ZFAND3: variants seen among roughly 807,000 people sequenced by gnomAD.
ZFAND3 encodes zinc finger AN1-type containing 3.
Under a neutral mutation model 29.6 loss-of-function variants are expected in ZFAND3, and 10 were observed. The observed-to-expected ratio is 0.34, with a 90% CI of 0.21 to 0.57. ZFAND3 has a LOEUF of 0.57. ZFAND3 is among the 20% of genes least tolerant of loss of function. The pLI is 0.86. For synonymous variants in ZFAND3, 128 were observed against 112.6 expected, an observed-to-expected ratio of 1.14 and a Z score of -0.87; for missense variants, 230 against 304.5, an observed-to-expected ratio of 0.76 and a Z score of 1.82.
chr6:38,074,029 G>A (rs1764506311), intron 3 of ZFAND3, among the ~76,000 whole-genome samples: 1 of 152,140 alleles, frequency 6.6e-6, no homozygotes, highest in Non-Finnish European at 1.5e-5. Flanking sequence ...CTAGAAATAA[G>A]TCAGTTGGCA....
At chr6:38,081,362 T>C (rs1009054035) in intron 3 of ZFAND3, among the ~76,000 whole-genome samples, 6 of 152,104 alleles carry the variant, frequency 3.9e-5, no homozygotes, top group African/African-American at 1.2e-4. Flanking sequence ...AAGAGGGAGC[T>C]CCTTAGGTGG....
chr6:38,085,473 A>G (rs1257850480), intron 4 of ZFAND3, among the ~76,000 whole-genome samples: 1 of 152,224 alleles, frequency 6.6e-6, no homozygotes, highest in Admixed American at 6.5e-5. Context: ...TCTCTGACAA[A>G]GGGCACACAA....
intron 1 of ZFAND3, among the ~76,000 whole-genome samples, chr6:37,879,323 T>C (rs1764849300): frequency 6.6e-6 from 1 of 151,752 alleles, no homozygotes; most frequent in South Asian, 2.1e-4. Context: ...CAGAAGTTTT[T>C]TTTGTTTTTT....
chr6:37,935,587 T>C (rs954599790), intron 2 of ZFAND3, among the ~76,000 whole-genome samples: 2 of 152,202 alleles, frequency 1.3e-5, no homozygotes, highest in African/African-American at 4.8e-5. Context: ...ATAGAAAATA[T>C]CAGTGTATTG....
chr6:37,906,228 C>G (rs1439045591), intron 1 of ZFAND3, among the ~76,000 whole-genome samples: 3 of 152,128 alleles, frequency 2.0e-5, no homozygotes, highest in African/African-American at 7.2e-5. Flanking sequence ...CCGCTTGCAG[C>G]CACTAATCTA....
intron 2 of ZFAND3, among the ~76,000 whole-genome samples, chr6:37,969,588 T>C (rs140249208): frequency 4.6e-5 from 7 of 152,306 alleles, no homozygotes; most frequent in African/African-American, 1.4e-4. Context: ...TTCTACTGAA[T>C]GTGTATTGCT....
chr6:38,016,909 G>A (rs957066687), intron 2 of ZFAND3, among the ~76,000 whole-genome samples: 9 of 152,084 alleles, frequency 5.9e-5, no homozygotes, highest in African/African-American at 1.7e-4. Flanking sequence ...AATCCATAGC[G>A]AGGAAAACTC....
chr6:37,850,043 A>G (rs1270049262), intron 1 of ZFAND3, among the ~76,000 whole-genome samples: 1 of 152,202 alleles, frequency 6.6e-6, no homozygotes, highest in Non-Finnish European at 1.5e-5. Flanking sequence ...CAAGTTGAGC[A>G]GTGGACCATT....
chr6:38,109,945 G>A (rs1481254877), intron 4 of ZFAND3, among the ~76,000 whole-genome samples: 1 of 152,106 alleles, frequency 6.6e-6, no homozygotes, highest in East Asian at 1.9e-4. Context: ...TCAAAGCTCA[G>A]GTGCACTCCC....
At chr6:38,008,145 C>T (rs1763082815) in intron 2 of ZFAND3, among the ~76,000 whole-genome samples, 1 of 152,074 alleles carries the variant, frequency 6.6e-6, no homozygotes, top group Non-Finnish European at 1.5e-5. Context: ...TAGCCTTTGC[C>T]TTATCTAATT....
rs1300303787 is a variant in ZFAND3 at position 38,041,842 on chromosome 6, T to A, written c.113-19751T>A. 2.6e-5 allele frequency among the ~76,000 whole-genome samples: 3 copies of A among 114,066 alleles called. 1 individual carries two copies. Among genetic ancestry groups the A allele is most frequent in the African/African-American group, 9.7e-5 (3 of 30,986 alleles). The allele number at this position is 114,066 out of a possible 152,430, so 74.8% of individuals were successfully genotyped here. On this transcript the variant is annotated intron_variant, in intron 2 of 5. Coordinates refer to ENST00000287218, the MANE Select transcript of ZFAND3 (RefSeq NM_021943.3). ...CTTCTCCTCCTTTTTTTTTTTTTTT[T>A]ATATGAGACAGAGTCTCGCTCTGGG...
chr6:38,129,406 A>G lies in ZFAND3; in HGVS notation c.529+12667A>G, dbSNP rs1411011356. Among the ~76,000 whole-genome samples, 6 of 152,308 alleles carry G rather than the reference A, an allele frequency of 3.9e-5. No homozygotes were observed. The East Asian group carries it at 1.2e-3, about 29-fold the overall frequency. On this transcript the variant is annotated intron_variant, in intron 5 of 5. Transcript: ENST00000287218. Reference sequence around the variant, plus strand: ...GGTCATGAAATCCTTGCCTAAGCCAATGTCTAGAAGGGTTTTTCCAATGTT... The same window carrying G: ...GGTCATGAAATCCTTGCCTAAGCCAGTGTCTAGAAGGGTTTTTCCAATGTT...
chr6:37,893,334 TATC>T (rs1324683053), intron 1 of ZFAND3, among the ~76,000 whole-genome samples: 5 of 152,214 alleles, frequency 3.3e-5, no homozygotes, highest in Non-Finnish European at 7.3e-5. Context: ...AAACAAATTA[TATC>T]ATCATCTCAA....
intron 2 of ZFAND3, among the ~76,000 whole-genome samples, chr6:38,011,123 G>A (rs1763144334): frequency 6.6e-6 from 1 of 151,882 alleles, no homozygotes; most frequent in South Asian, 2.1e-4. Flanking sequence ...AATACGTTTG[G>A]GACTCATTCA....
chr6:38,004,761 A>G (rs73730849), intron 2 of ZFAND3, among the ~76,000 whole-genome samples: 4,517 of 152,278 alleles, frequency 0.03, 177 homozygotes, highest in African/African-American at 0.086. Flanking sequence ...ATCGAGAGAT[A>G]ATTCTCAACC....
chr6:37,823,561 T>C (rs977101517), intron 1 of ZFAND3, among the ~76,000 whole-genome samples: 9 of 152,208 alleles, frequency 5.9e-5, no homozygotes, highest in Non-Finnish European at 1.3e-4. Context: ...CTTGTGAGAA[T>C]GCAGTTGAAG....
At chr6:38,072,224 C>T (rs1005521577) in intron 3 of ZFAND3, among the ~76,000 whole-genome samples, 13 of 152,086 alleles carry the variant, frequency 8.5e-5, no homozygotes, top group African/African-American at 2.2e-4. Context: ...CATTTTTGCT[C>T]GTTGGTATTT....
chr6:38,048,207 T>G (rs1194106066), intron 2 of ZFAND3, among the ~76,000 whole-genome samples: 2 of 152,012 alleles, frequency 1.3e-5, no homozygotes, highest in Non-Finnish European at 2.9e-5. Flanking sequence ...GGTTTCGCCA[T>G]GTCCAGGATG....
intron 2 of ZFAND3, among the ~76,000 whole-genome samples, chr6:38,059,293 A>G (rs1182822693): frequency 6.6e-6 from 1 of 152,196 alleles, no homozygotes; most frequent in African/African-American, 2.4e-5. Flanking sequence ...GTATCCATAA[A>G]CAATATGCGG....
Sources: gnomAD v4.1 joint callset for allele counts (sites outside exome capture counted in the v4.1 genomes callset) on GRCh38, gnomAD v4.1.1 for gene constraint, MANE v1.5 for transcripts, NCBI Gene and HGNC (gene_info 2026-07-23, HGNC 2026-07-21) for gene names.